Variants in TRIM52 observed in about 807,000 individuals in gnomAD.
TRIM52 encodes the protein E3 ubiquitin-protein ligase TRIM52.
A neutral mutation model predicts 27.0 loss-of-function variants in TRIM52; 24 were observed. That is an observed-to-expected ratio of 0.89 (90% confidence interval 0.64 to 1.25). The LOEUF is 1.25. Among genes scored for constraint, TRIM52 ranks in the 50% most tolerant of loss-of-function variants. The probability of loss-of-function intolerance (pLI) is 0.00; values close to 1 mark genes in which losing one functional copy is unlikely to be tolerated. For missense variants in TRIM52, 351 were observed against 354.7 expected (o/e 0.99, Z 0.08); for synonymous variants, 125 against 126.5 (o/e 0.99, Z 0.08).
chr5:181,251,213 G>A (rs557281947), downstream of TRIM52, among the ~76,000 whole-genome samples: 1 of 152,096 alleles, frequency 6.6e-6, no homozygotes, highest in East Asian at 1.9e-4. Flanking sequence ...AGAACTGCTT[G>A]AACCTGGGAG....
chr5:181,257,671 A>G (rs916054280), intron 1 of TRIM52: 3 of 451,226 alleles, frequency 6.6e-6, no homozygotes, highest in African/African-American at 6.1e-5. Flanking sequence ...TTACCAATGG[A>G]AGGAAGTGAC....
downstream of TRIM52, among the ~76,000 whole-genome samples, chr5:181,251,836 T>C (rs1759641001): frequency 6.6e-6 from 1 of 152,178 alleles, no homozygotes; most frequent in Admixed American, 6.5e-5. Flanking sequence ...TGCTCTCTCT[T>C]CCAGGACTCC....
intron 1 of TRIM52, chr5:181,257,400 A>C: frequency 1.9e-6 from 3 of 1,595,702 alleles, no homozygotes; most frequent in Non-Finnish European, 2.6e-6. Context: ...TGGCTACCCA[A>C]CTTTTCACAC....
Position 181,260,170 on chromosome 5 carries a change from G to A in TRIM52, c.644C>T (p.Pro215Leu). ...VQIIRQMCPT[P>L]YRGNRSNDQG... ...ATCATTACTCCGGTTTCCCCGATAA[G>A]GAGTGGGGCACATCTGGCGAATTAT... Residue 215 changes from proline to leucine, a missense_variant, in exon 1 of 2, where the codon CCT (proline) becomes CTT (leucine). By Grantham distance (98) the Pro-to-Leu change is moderately conservative. Coordinates refer to ENST00000688015, the MANE Select transcript of TRIM52 (RefSeq NM_001346048.2). This position sits in a 1 kb window ranked among gnomAD's most constrained non-coding sequence, Gnocchi z 4.4. The A allele has an allele frequency of 6.2e-7, 1 of 1,614,230 alleles. No individual in the cohort carries two copies. The highest frequency in any genetic ancestry group is 8.5e-7 in the Non-Finnish European group (1 of 1,180,050).
downstream of TRIM52, among the ~76,000 whole-genome samples, chr5:181,251,880 C>T (rs762418809): frequency 2.4e-4 from 37 of 152,306 alleles, no homozygotes; most frequent in Non-Finnish European, 4.7e-4. Context: ...TGCTGTAACA[C>T]GGAAAGAACC....
chr5:181,253,768 A>C (rs749194942), downstream of TRIM52, among the ~76,000 whole-genome samples: 5 of 141,384 alleles, frequency 3.5e-5, no homozygotes, highest in Non-Finnish European at 7.4e-5. Flanking sequence ...CCAAGGCAGG[A>C]GGATCACTTG....
chr5:181,258,379 G>C (rs1159108181), intron 1 of TRIM52: 1 of 151,718 alleles, frequency 6.6e-6, no homozygotes, highest in Non-Finnish European at 1.5e-5. Context: ...AACAGAGCAA[G>C]ATACCGTCTC....
rs1194057085 is a variant in TRIM52 at position 181,260,717 on chromosome 5, T to G, written c.97A>C (p.Ile33Leu). ...CGGCAGAAGTTGTGCCCACAGCTGA[T>G]GGACACGGGGTCCTTGAAGTAATCC... ...CLDYFKDPVS[I>L]SCGHNFCRGC... Residue 33 changes from isoleucine to leucine, a missense_variant, in exon 1 of 2, where the codon ATC becomes CTC. By Grantham distance (5) the Ile-to-Leu change is conservative. Transcript: ENST00000688015. This position sits in a 1 kb window ranked among gnomAD's most constrained non-coding sequence, Gnocchi z 4.4. 1.2e-6 allele frequency: 2 copies of G among 1,614,034 alleles called. No individual in the cohort carries two copies. The highest frequency in any genetic ancestry group is 8.5e-7 in the Non-Finnish European group (1 of 1,180,016).
chr5:181,251,632 A>G (rs1759635935), downstream of TRIM52, among the ~76,000 whole-genome samples: 1 of 152,130 alleles, frequency 6.6e-6, no homozygotes, highest in Non-Finnish European at 1.5e-5. Flanking sequence ...CATCTCCTAC[A>G]CTTCTCAAGA....
chr5:181,255,718 T>C lies in TRIM52; in HGVS notation c.*1091A>G, dbSNP rs1214939595. The C allele has an allele frequency of 6.6e-6, 1 of 152,260 alleles. No homozygotes were observed. The highest frequency in any genetic ancestry group is 1.5e-5 in the Non-Finnish European group (1 of 68,048). The allele number at this position is 152,260 out of a possible 1,614,324, so 9.4% of individuals were successfully genotyped here. On this transcript the variant is annotated 3_prime_UTR_variant, in exon 2 of 2. Transcript: ENST00000688015. ...TTATGGTTGTATTTTTGGCAAGTTT[T>C]GTTTGATGTATTTCATAATGAACGG... is the stretch of plus-strand genomic sequence containing the variant.
At chr5:181,257,700 T>C in intron 1 of TRIM52, 1 of 351,232 alleles carries the variant, frequency 2.8e-6, no homozygotes, top group Non-Finnish European at 5.1e-6. Flanking sequence ...GCCTAAAGAA[T>C]GAAAGAGACA....
At position 181,260,639 on chromosome 5, in the gene TRIM52, C is replaced by T. The variant is rs1464629150; in HGVS notation, c.175G>A (p.Glu59Lys). ...TCCTCCTCCTCCCATTCATCTTCCTCCTCGTTCTGGTCCTCCTCGTCCTCC... is the reference window on the plus strand; with the variant it reads ...TCCTCCTCCTCCCATTCATCTTCCTTCTCGTTCTGGTCCTCCTCGTCCTCC... ...SKEDEEDQNE[E>K]EDEWEEEEDE... Residue 59 changes from glutamate (E) to lysine (K), a missense_variant, in exon 1 of 2, where the codon GAG (glutamate) becomes AAG (lysine). By Grantham distance (56) the Glu-to-Lys change is moderately conservative (BLOSUM62 1). Transcript: ENST00000688015. The surrounding 1 kb of genome is among the most constrained non-coding windows in gnomAD (Gnocchi z 4.4). 4 of 1,614,034 alleles carry T rather than the reference C, an allele frequency of 2.5e-6. No individual in the cohort carries two copies. Among genetic ancestry groups the T allele is most frequent in the Non-Finnish European group, 2.5e-6 (3 of 1,180,014 alleles).
Position 181,260,980 on chromosome 5 carries a change from C to T in TRIM52, c.-167G>A. 2 of 992,226 alleles carry T rather than the reference C, an allele frequency of 2.0e-6. No individual in the cohort carries two copies. Among genetic ancestry groups the T allele is most frequent in the Non-Finnish European group, 2.9e-6 (2 of 699,432 alleles). The allele number at this position is 992,226 out of a possible 1,614,324, so 61.5% of individuals were successfully genotyped here. A position where few individuals can be genotyped will look rare whatever the true frequency, so the allele number is the denominator to read the frequency against. On this transcript the variant is annotated 5_prime_UTR_variant, in exon 1 of 2. Transcript: ENST00000688015. This position sits in a 1 kb window ranked among gnomAD's most constrained non-coding sequence, Gnocchi z 4.4. Reference sequence around the variant, plus strand: ...TTGACCCCCTCTCTCAGGGTGCGAACGCCCAGATCCAGACTCACAGCCTCT... The same window carrying T: ...TTGACCCCCTCTCTCAGGGTGCGAATGCCCAGATCCAGACTCACAGCCTCT...
At chr5:181,254,182 C>T (rs1473345855), downstream of TRIM52, among the ~76,000 whole-genome samples, 17 of 136,880 alleles carry the variant, frequency 1.2e-4, 3 homozygotes, top group African/African-American at 3.8e-4. Context: ...CCCAGCTACT[C>T]GGCAGGCTGA....
rs964935837 is a variant in TRIM52, at chr5:181,259,939, C to T, written c.813+62G>A. ...GGTGGGAAAGGAATGCTACTCATTCCTCAGCTCTCCTAGTTACCTTTCCAC... is the reference window on the plus strand; with the variant it reads ...GGTGGGAAAGGAATGCTACTCATTCTTCAGCTCTCCTAGTTACCTTTCCAC... On this transcript the variant is annotated intron_variant, in intron 1 of 1. Coordinates refer to ENST00000688015, the MANE Select transcript of TRIM52 (RefSeq NM_001346048.2). 4 of 1,611,014 alleles carry T rather than the reference C, an allele frequency of 2.5e-6. No homozygotes were observed. The Admixed American group carries it at 5.0e-5, about 20-fold the overall frequency.
rs1313074240 is a variant in TRIM52, at chr5:181,260,988, T to G, written c.-175A>C. The G allele has an allele frequency of 1.1e-6, 1 of 894,422 alleles. No individual in the cohort carries two copies. Among genetic ancestry groups the G allele is most frequent in the African/African-American group, 1.7e-5 (1 of 59,330 alleles). 55.4% of individuals were successfully genotyped at this position (894,422 alleles called of 1,614,324 possible). On this transcript the variant is annotated 5_prime_UTR_variant, in exon 1 of 2. Coordinates refer to ENST00000688015, the MANE Select transcript of TRIM52 (RefSeq NM_001346048.2). This position sits in a 1 kb window ranked among gnomAD's most constrained non-coding sequence, Gnocchi z 4.4. Reference sequence around the variant, plus strand: ...CTCTCTCAGGGTGCGAACGCCCAGATCCAGACTCACAGCCTCTCTCTGGGA... The same window carrying G: ...CTCTCTCAGGGTGCGAACGCCCAGAGCCAGACTCACAGCCTCTCTCTGGGA...
At position 181,260,676 on chromosome 5, in the gene TRIM52, C is replaced by A; in HGVS notation, c.138G>T (p.Gln46His). Residue 46 changes from glutamine (Q) to histidine (H), a missense_variant, in exon 1 of 2, where the codon CAG (glutamine) becomes CAT (histidine). Coordinates refer to ENST00000688015, the MANE Select transcript of TRIM52 (RefSeq NM_001346048.2). This position sits in a 1 kb window ranked among gnomAD's most constrained non-coding sequence, Gnocchi z 4.4. ...CCTCCTCGTCCTCCTTACTCCACAG[C>A]TGGGTCACACACCCTCGGCAGAAGT... is the stretch of plus-strand genomic sequence containing the variant. ...GHNFCRGCVT[Q>H]LWSKEDEEDQ... 57 of 1,614,040 alleles carry A rather than the reference C, an allele frequency of 3.5e-5. No homozygotes were observed. The highest frequency in any genetic ancestry group is 4.8e-5 in the Non-Finnish European group (57 of 1,180,022).
Position 181,256,749 on chromosome 5 carries a change from G to A in TRIM52, c.*60C>T. On this transcript the variant is annotated 3_prime_UTR_variant, in exon 2 of 2. Coordinates refer to ENST00000688015, the MANE Select transcript of TRIM52 (RefSeq NM_001346048.2). ...CCAGTCTTAAAGCTGCAGAGAATCG[G>A]GCTTTGCAGAACACTCCACTGTTTT... The A allele has an allele frequency of 2.2e-6, 2 of 921,674 alleles. No homozygotes were observed. The highest frequency in any genetic ancestry group is 1.0e-4 in the South Asian group (2 of 19,936). 57.1% of individuals were successfully genotyped at this position (921,674 alleles called of 1,614,324 possible).
chr5:181,253,856 ATAGTCCTTGT>A (rs1231233963), downstream of TRIM52, among the ~76,000 whole-genome samples: 5 of 142,676 alleles, frequency 3.5e-5, 1 homozygote, highest in Admixed American at 6.8e-5. Context: ...TAGCTGCACT[ATAGTCCTTGT>A]TACACAGAAG....
Sources: gnomAD v4.1 joint callset for allele counts (sites outside exome capture counted in the v4.1 genomes callset) on GRCh38, gnomAD v4.1.1 for gene constraint, Gnocchi (gnomAD v3.1) non-coding constraint, MANE v1.5 for transcripts, NCBI Gene and HGNC (gene_info 2026-07-23, HGNC 2026-07-21) for gene names.